Variants in SAMD12 observed in about 807,000 individuals in gnomAD.
SAMD12 encodes sterile alpha motif domain-containing protein 12.
A neutral mutation model predicts 15.0 loss-of-function variants in SAMD12; 9 were observed. That is an observed-to-expected ratio of 0.60 (90% CI 0.36 to 1.05). SAMD12 has a LOEUF of 1.05. Ranked by LOEUF, SAMD12 falls within the 50% of genes least tolerant of loss-of-function variation. The pLI, the probability that SAMD12 is intolerant of heterozygous loss-of-function variation, is 0.01. For missense variants in SAMD12, 230 were observed against 234.2 expected (o/e 0.98, Z 0.12); for synonymous variants, 86 against 90.1 (o/e 0.96, Z 0.25).
At chr8:118,199,664 G>A (rs1035967125) in intron 4 of SAMD12, among the ~76,000 whole-genome samples, 1 of 152,150 alleles carries the variant, frequency 6.6e-6, no homozygotes, top group African/African-American at 2.4e-5. Context: ...ATGGTCTCTA[G>A]TAGCTGAGAG....
intron 4 of SAMD12, among the ~76,000 whole-genome samples, chr8:118,227,721 C>T (rs960103628): frequency 3.3e-5 from 5 of 152,100 alleles, no homozygotes; most frequent in Non-Finnish European, 7.4e-5. Flanking sequence ...ACCTGTGATC[C>T]TATCTTCCCC....
At chr8:118,470,060 G>T (rs947335985) in intron 2 of SAMD12, among the ~76,000 whole-genome samples, 2 of 151,948 alleles carry the variant, frequency 1.3e-5, no homozygotes, top group Admixed American at 6.6e-5. Context: ...GACAGAAAGA[G>T]AAAACTACAC....
intron 3 of SAMD12, among the ~76,000 whole-genome samples, chr8:118,383,982 T>C (rs962870962): frequency 2.0e-5 from 3 of 151,006 alleles, no homozygotes; most frequent in Non-Finnish European, 2.9e-5. Flanking sequence ...CAGATAGTCA[T>C]AAGTGCTCTG....
At chr8:118,365,661 C>T (rs537440618) in intron 4 of SAMD12, among the ~76,000 whole-genome samples, 13 of 152,092 alleles carry the variant, frequency 8.5e-5, no homozygotes, top group Non-Finnish European at 1.6e-4. Context: ...TGGGACTTCT[C>T]AGCCTCCAAA....
At chr8:118,297,606 A>G (rs1216986943) in intron 4 of SAMD12, among the ~76,000 whole-genome samples, 3 of 152,244 alleles carry the variant, frequency 2.0e-5, no homozygotes, top group Non-Finnish European at 2.9e-5. Flanking sequence ...CTCAATTAGA[A>G]GAGATTAAAA....
At chr8:118,268,778 C>A (rs1813267696) in intron 4 of SAMD12, among the ~76,000 whole-genome samples, 1 of 152,214 alleles carries the variant, frequency 6.6e-6, no homozygotes, top group Non-Finnish European at 1.5e-5. Context: ...CGTGCCACTG[C>A]ACTCCAGCCT....
intron 2 of SAMD12, among the ~76,000 whole-genome samples, chr8:118,532,507 G>A (rs1163947136): frequency 1.3e-5 from 2 of 152,154 alleles, no homozygotes; most frequent in African/African-American, 4.8e-5. Flanking sequence ...AGTTTCAGAA[G>A]GCATGGTACC....
rs1821429988 is a variant in SAMD12 at position 118,411,940 on chromosome 8, GTT to G, written c.322+27890_322+27891del. Reference sequence around the variant, plus strand: ...TGGGCCAAATTTGGGCAGTGTCCTGGTTGTGTATGTCCAGTGATCTAAGGATT... The same window carrying G: ...TGGGCCAAATTTGGGCAGTGTCCTGGGTGTATGTCCAGTGATCTAAGGATT... On this transcript the variant is annotated intron_variant, in intron 3 of 3. Coordinates refer to ENST00000314727, the MANE Select transcript of SAMD12 (RefSeq NM_207506.3). Among the ~76,000 whole-genome samples the G allele has an allele frequency of 5.9e-5, 9 of 152,294 alleles. No individual in the cohort carries two copies. In the South Asian group the frequency reaches 1.7e-3, roughly 28 times the overall value.
At chr8:118,166,291 T>C in the SAMD12 span, among the ~76,000 whole-genome samples, 2 of 152,232 alleles carry the variant, frequency 1.3e-5, no homozygotes, top group Admixed American at 1.3e-4. Context: ...ACTTTGTCTA[T>C]CAATTTATTT....
chr8:118,555,657 T>C (rs979989243), intron 2 of SAMD12, among the ~76,000 whole-genome samples: 13 of 152,232 alleles, frequency 8.5e-5, no homozygotes, highest in African/African-American at 2.9e-4. Context: ...AAGAGGTCTG[T>C]TCCACTCTGC....
the SAMD12 span, among the ~76,000 whole-genome samples, chr8:118,145,221 T>C: frequency 6.6e-6 from 1 of 152,340 alleles, no homozygotes; most frequent in African/African-American, 2.4e-5. Context: ...CTAAACTACA[T>C]TAGCCCATGG....
chr8:118,491,725 C>G (rs1171482248), intron 2 of SAMD12, among the ~76,000 whole-genome samples: 1 of 152,030 alleles, frequency 6.6e-6, no homozygotes, highest in Non-Finnish European at 1.5e-5. Context: ...GTCTGGCTTC[C>G]TTCACTCAAC....
At chr8:118,215,834 T>C (rs1196691082) in intron 4 of SAMD12, among the ~76,000 whole-genome samples, 1 of 152,202 alleles carries the variant, frequency 6.6e-6, no homozygotes, top group Non-Finnish European at 1.5e-5. Flanking sequence ...ATGGTGTATA[T>C]GTGCCACATT....
chr8:118,317,207 T>G lies in SAMD12; in HGVS notation c.433+62353A>C, dbSNP rs1336811199. ...GAATTGTAAGAAAATCAATGTCTGT[T>G]GTTATCCAGTCTAAGGTACTCTGTT... On this transcript the variant is annotated intron_variant, in intron 4 of 4. Coordinates refer to the SAMD12 transcript ENST00000409003. Among the ~76,000 whole-genome samples the G allele has an allele frequency of 3.3e-5, 5 of 152,262 alleles. No individual in the cohort carries two copies. In the East Asian group the frequency reaches 9.7e-4, roughly 29 times the overall value.
intron 2 of SAMD12, among the ~76,000 whole-genome samples, chr8:118,487,556 C>G (rs1824324833): frequency 6.6e-6 from 1 of 152,218 alleles, no homozygotes; most frequent in African/African-American, 2.4e-5. Flanking sequence ...CCTCATGTTG[C>G]TTCTGAAAGG....
intron 1 of SAMD12, among the ~76,000 whole-genome samples, chr8:118,601,611 C>T (rs575955377): frequency 6.6e-6 from 1 of 152,266 alleles, no homozygotes; most frequent in African/African-American, 2.4e-5. Flanking sequence ...GTGGTCTTGC[C>T]CTCTTCCTGC....
chr8:118,381,937 C>T (rs997496076), intron 3 of SAMD12, among the ~76,000 whole-genome samples: 1 of 152,172 alleles, frequency 6.6e-6, no homozygotes, highest in Non-Finnish European at 1.5e-5. Flanking sequence ...TGCTGGCACA[C>T]ACAAAGGTAA....
At chr8:118,376,899 C>T (rs1478224983), downstream of SAMD12, among the ~76,000 whole-genome samples, 1 of 152,106 alleles carries the variant, frequency 6.6e-6, no homozygotes, top group Non-Finnish European at 1.5e-5. Context: ...AATAAGTTCA[C>T]CTGAGTGGAA....
At chr8:118,368,512 C>T (rs750072841) in intron 4 of SAMD12, among the ~76,000 whole-genome samples, 2 of 148,742 alleles carry the variant, frequency 1.3e-5, no homozygotes, top group Non-Finnish European at 3.1e-5. Flanking sequence ...GTTTAAGAGC[C>T]CTTGCCATTG....
Sources: gnomAD v4.1 joint callset for allele counts (sites outside exome capture counted in the v4.1 genomes callset) on GRCh38, gnomAD v4.1.1 for gene constraint, MANE v1.5 for transcripts, NCBI Gene and HGNC (gene_info 2026-07-23, HGNC 2026-07-21) for gene names.